The following BCL6 variants were observed in gnomAD, a reference collection of about 807,000 sequenced individuals.
BCL6 encodes the protein B-cell lymphoma 6 protein.
Under a neutral mutation model 59.5 loss-of-function variants are expected in BCL6, and 7 were observed. That is an observed-to-expected ratio of 0.12 (90% CI 0.07 to 0.22). The LOEUF is 0.22. Ranked by LOEUF, BCL6 falls within the 10% of genes least tolerant of loss-of-function variation. BCL6 has a pLI of 1.00. For synonymous variants in BCL6, 339 were observed against 349.7 expected, an observed-to-expected ratio of 0.97 and a Z score of 0.34; for missense variants, 685 against 939.4, an observed-to-expected ratio of 0.73 and a Z score of 3.54.
At chr3:187,741,442 C>A (rs970394873) in intron 1 of BCL6, among the ~76,000 whole-genome samples, 17 of 152,150 alleles carry the variant, frequency 1.1e-4, no homozygotes, top group South Asian at 4.2e-4. Context: ...AGGAAAGGGG[C>A]GCTGGGGGCC....
At chr3:187,745,132 T>A (rs562494417) in intron 1 of BCL6, among the ~76,000 whole-genome samples, 4 of 151,858 alleles carry the variant, frequency 2.6e-5, no homozygotes, top group South Asian at 2.1e-4. Flanking sequence ...ATAATAATAA[T>A]AAATACATAA....
Position 187,722,388 on chromosome 3 carries a change from A to G in BCL6, c.*70T>C. 4.1e-6 allele frequency: 5 copies of G among 1,224,872 alleles called. No individual in the cohort carries two copies. In the South Asian group the frequency reaches 4.2e-5, roughly 10 times the overall value. 75.9% of individuals were successfully genotyped at this position (1,224,872 alleles called of 1,614,324 possible). ...CACTACATCATGGGATGAACATTGT[A>G]AAGTGTTACAGTATCCTTTGGGTAG... On this transcript the variant is annotated 3_prime_UTR_variant, in exon 10 of 10. Transcript: ENST00000406870.
In BCL6 at chr3:187,733,617, C is replaced by T; in HGVS notation, c.77G>A (p.Arg26Gln). Residue 26 changes from arginine (R) to glutamine (Q), a missense_variant, in exon 3 of 10, where the codon CGG (arginine) becomes CAG (glutamine). Around this residue, in one of 7 missense-constraint regions of BCL6, gnomAD observed 102 missense variants for 176.6 expected, o/e 0.58. Transcript: ENST00000406870. ...AACATCAGTCAAGATGTCTCGACTC[C>T]GGAGACGATTAAGGTTGAGAAGAAC... ...SDVLLNLNRL[R>Q]SRDILTDVVI... 6.2e-7 allele frequency: 1 copy of T among 1,614,046 alleles called. No homozygotes were observed. Among genetic ancestry groups the T allele is most frequent in the Non-Finnish European group, 8.5e-7 (1 of 1,179,988 alleles).
chr3:187,729,737 G>A lies in BCL6; in HGVS notation c.668C>T (p.Pro223Leu). 4.3e-6 allele frequency: 7 copies of A among 1,614,154 alleles called. No individual in the cohort carries two copies. The highest frequency in any genetic ancestry group is 5.9e-6 in the Non-Finnish European group (7 of 1,180,036). Residue 223 changes from proline (P) to leucine (L), a missense_variant, in exon 5 of 10, where the codon CCC becomes CTC. By Grantham distance (98) the Pro-to-Leu change is moderately conservative (BLOSUM62 -3). Transcript: ENST00000406870. This position sits in a 1 kb window ranked among gnomAD's most constrained non-coding sequence, Gnocchi z 5.6. The part of the protein sequence containing the change: ...FRDVRMPVAN[P>L]FPKERALPCD... ...TGGGAGTGCCCGCTCCTTGGGGAAG[G>A]GGTTGGCCACAGGCATCCGGACATC...
At position 187,725,845 on chromosome 3, in the gene BCL6, G is replaced by A. The variant is rs1718664585; in HGVS notation, c.1709-216C>T. On this transcript the variant is annotated intron_variant, in intron 7 of 9. Transcript: ENST00000406870. The surrounding 1 kb of genome is among the most constrained non-coding windows in gnomAD (Gnocchi z 4.7). ...CCTGCATACCTCGCAGGGGACCAGG[G>A]CCAAGAAACAAGTGGTGGCACGGAG... Among the ~76,000 whole-genome samples, 1 of 152,174 alleles carries A rather than the reference G, an allele frequency of 6.6e-6. No individual in the cohort carries two copies. Among genetic ancestry groups the A allele is most frequent in the Non-Finnish European group, 1.5e-5 (1 of 68,028 alleles).
intron 1 of BCL6, among the ~76,000 whole-genome samples, chr3:187,745,163 G>C (rs1355379991): frequency 6.6e-6 from 1 of 152,228 alleles, no homozygotes; most frequent in Admixed American, 6.5e-5. Flanking sequence ...CCTATGGTGG[G>C]AGAGACGTGG....
At chr3:187,739,337 G>C (rs1711514027) in intron 1 of BCL6, among the ~76,000 whole-genome samples, 1 of 152,212 alleles carries the variant, frequency 6.6e-6, no homozygotes, top group South Asian at 2.1e-4. Flanking sequence ...CCAACTAGCT[G>C]CACGGCTGCA....
chr3:187,732,227 T>C (rs148290082), intron 3 of BCL6: 1 of 422,974 alleles, frequency 2.4e-6, no homozygotes, highest in East Asian at 4.8e-5. Flanking sequence ...ACAGGGCCTG[T>C]TTTCCTTTTA....
In BCL6 at chr3:187,722,147, G is replaced by GTCAAT. The variant is rs1718451857; in HGVS notation, c.*310_*311insATTGA. The GTCAAT allele has an allele frequency of 3.6e-6, 1 of 277,486 alleles. No individual in the cohort carries two copies. 17.2% of individuals were successfully genotyped at this position (277,486 alleles called of 1,614,324 possible). On this transcript the variant is annotated 3_prime_UTR_variant, in exon 10 of 10. Transcript: ENST00000406870. ...TCCTCATTTTGCAGACTAAAGTCAA[G>GTCAAT]TCAGAACTTTTGCATACTCCCCTGC... is the stretch of plus-strand genomic sequence containing the variant.
intron 1 of BCL6, among the ~76,000 whole-genome samples, chr3:187,744,759 A>T (rs573277505): frequency 6.6e-6 from 1 of 152,196 alleles, no homozygotes; most frequent in South Asian, 2.1e-4. Context: ...AAGGGAAGGA[A>T]GAAGAGGCGA....
chr3:187,733,851 T>A, intron 2 of BCL6, 148 bp from the exon 3 acceptor site: 1 of 766,230 alleles, frequency 1.3e-6, no homozygotes, highest in Non-Finnish European at 2.2e-6. Flanking sequence ...ATAGTCCAAC[T>A]CTGGCCATTA....
chr3:187,724,019 C>A, intron 9 of BCL6, among the ~76,000 whole-genome samples: 1 of 152,010 alleles, frequency 6.6e-6, no homozygotes, highest in Non-Finnish European at 1.5e-5. Flanking sequence ...ACGAATTTGC[C>A]CAAACAGCAA....
At chr3:187,735,431 C>T (rs532259426) in intron 1 of BCL6, among the ~76,000 whole-genome samples, 10 of 152,322 alleles carry the variant, frequency 6.6e-5, no homozygotes, top group African/African-American at 2.4e-4. Flanking sequence ...GTTCAAGTGG[C>T]TTGCTCAAGA....
chr3:187,739,192 A>T (rs1232450111), intron 1 of BCL6, among the ~76,000 whole-genome samples: 1 of 152,186 alleles, frequency 6.6e-6, no homozygotes, highest in African/African-American at 2.4e-5. Flanking sequence ...CCGCTGAAAA[A>T]TCCAAAGGGA....
chr3:187,723,605 T>A (rs1307776442), intron 9 of BCL6, among the ~76,000 whole-genome samples: 2 of 152,202 alleles, frequency 1.3e-5, no homozygotes, highest in African/African-American at 4.8e-5. Context: ...TAATAAAATA[T>A]GTTCAGATAG....
chr3:187,724,690 C>A, intron 9 of BCL6: 1 of 509,090 alleles, frequency 2.0e-6, no homozygotes, highest in South Asian at 2.2e-5. Context: ...AGGCCCAGAT[C>A]ACCTAGTCCC....
chr3:187,734,620 A>G (rs1441470305), intron 2 of BCL6: 1 of 152,334 alleles, frequency 6.6e-6, no homozygotes, highest in Non-Finnish European at 1.5e-5. Context: ...AGGAGCTAGC[A>G]TATTGTTGGT....
chr3:187,731,666 T>C lies in BCL6; in HGVS notation c.383+43A>G, dbSNP rs368279919. On this transcript the variant is annotated intron_variant, in intron 4 of 9. Transcript: ENST00000406870. ...TTATCAAAGGTTTCTGATCGGGGAC[T>C]ATCTCTTCCATCTCCGACGCTTCCA... The C allele has an allele frequency of 4.4e-6, 7 of 1,587,084 alleles. No individual in the cohort carries two copies. The South Asian group carries it at 5.5e-5, about 13-fold the overall frequency.
At position 187,745,125 on chromosome 3, in the gene BCL6, A is replaced by C. The variant is rs1023249911; in HGVS notation, c.-50+285T>G. Among the ~76,000 whole-genome samples, 3 of 152,222 alleles carry C rather than the reference A, an allele frequency of 2.0e-5. 1 individual carries two copies. Among genetic ancestry groups the C allele is most frequent in the South Asian group, 4.1e-4 (2 of 4,824 alleles). ...GCCGATTCACTCAAAGACAACAATA[A>C]TAATAATAAATACATAACAATCTAT... is the stretch of plus-strand genomic sequence containing the variant. On this transcript the variant is annotated intron_variant, in intron 1 of 9. Transcript: ENST00000406870.
Sources: gnomAD v4.1 joint callset for allele counts (sites outside exome capture counted in the v4.1 genomes callset) on GRCh38, gnomAD v4.1.1 for gene constraint, gnomAD v4.1.1 regional missense constraint, Gnocchi (gnomAD v3.1) non-coding constraint, MANE v1.5 for transcripts, NCBI Gene and HGNC (gene_info 2026-07-23, HGNC 2026-07-21) for gene names.